The following PCDH18 variants were observed in gnomAD, a reference collection of about 807,000 sequenced individuals.
PCDH18 encodes the protein protocadherin 18.
PCDH18 carries 38 observed loss-of-function variants against 71.5 expected under a neutral mutation model. That is an observed-to-expected ratio of 0.53 (90% CI 0.41 to 0.70). PCDH18 has a LOEUF of 0.70. PCDH18 is among the 30% of genes least tolerant of loss of function. The pLI, the probability that PCDH18 is intolerant of heterozygous loss-of-function variation, is 0.00. For missense variants in PCDH18, 1,334 were observed against 1,384.6 expected (o/e 0.96, Z 0.58); for synonymous variants, 565 against 505.4 (o/e 1.12, Z -1.58).
Position 137,531,828 on chromosome 4 carries a change from G to C in PCDH18, c.261C>G (p.Ser87Arg), listed in dbSNP as rs928894069. The change falls in exon 1 of 4, where the codon AGC becomes AGG. Residue 87 changes from serine to arginine, a missense_variant. Ser to Arg is a moderately radical substitution (Grantham distance 110). Around this residue, in one of 3 missense-constraint regions of PCDH18, gnomAD observed 1,011 missense variants for 1,048.0 expected, o/e 0.96. Coordinates refer to ENST00000344876, the MANE Select transcript of PCDH18 (RefSeq NM_019035.5). ...GTTCACGGTCAATTGTAGCCCCTAT[G>C]CTGATTTCCCCATTATCCTCGTTTA... is the stretch of plus-strand genomic sequence containing the variant. ...LVVNEDNGEI[S>R]IGATIDREQL... 1 of 1,613,990 alleles carries C rather than the reference G, an allele frequency of 6.2e-7. No individual in the cohort carries two copies. Among genetic ancestry groups the C allele is most frequent in the African/African-American group, 1.3e-5 (1 of 74,898 alleles).
At chr4:137,524,917 G>A (rs1287728798) in intron 3 of PCDH18, among the ~76,000 whole-genome samples, 1 of 152,110 alleles carries the variant, frequency 6.6e-6, no homozygotes, top group Non-Finnish European at 1.5e-5. Context: ...CACTAAACCT[G>A]TCATGGAAGA....
chr4:137,530,519 T>C lies in PCDH18; in HGVS notation c.1570A>G (p.Asn524Asp). 1 of 1,613,920 alleles carries C rather than the reference T, an allele frequency of 6.2e-7. No individual in the cohort carries two copies. The highest frequency in any genetic ancestry group is 8.5e-7 in the Non-Finnish European group (1 of 1,179,876). The change falls in exon 1 of 4, where the codon AAT becomes GAT. Residue 524 changes from asparagine to aspartate, a missense_variant. Physicochemically the swap from Asn to Asp is conservative, Grantham distance 23. Around this residue, in one of 3 missense-constraint regions of PCDH18, gnomAD observed 1,011 missense variants for 1,048.0 expected, o/e 0.96. Coordinates refer to ENST00000344876, the MANE Select transcript of PCDH18 (RefSeq NM_019035.5). ...ITTYVTIDPS[N>D]GAIYALRIFD... ...ATTCTGAGGGCATAGATGGCTCCAT[T>C]AGATGGGTCAATGGTTACATATGTA...
chr4:137,528,413 A>T lies in PCDH18; in HGVS notation c.2740+65T>A, dbSNP rs1430997292. On this transcript the variant is annotated intron_variant, in intron 3 of 3. Transcript: ENST00000344876. ...AAGAAGAAATATAAGCATGAGAGAA[A>T]TTTTTCATTTTACTGGTGTCACGGT... 1.2e-5 allele frequency: 16 copies of T among 1,325,170 alleles called. No homozygotes were observed. The East Asian group carries it at 3.0e-4, about 25-fold the overall frequency. 82.1% of individuals were successfully genotyped at this position (1,325,170 alleles called of 1,614,324 possible). A position where few individuals can be genotyped will look rare whatever the true frequency, so the allele number is the denominator to read the frequency against.
rs2149214935 is a variant in PCDH18 at position 137,528,570 on chromosome 4, C to G, written c.2648G>C (p.Ser883Thr). Residue 883 changes from serine to threonine, a missense_variant, in exon 3 of 4, where the codon AGT becomes ACT. By Grantham distance (58) the Ser-to-Thr change is moderately conservative. Coordinates refer to ENST00000344876, the MANE Select transcript of PCDH18 (RefSeq NM_019035.5). ...SGRGDSEAGDSDYDLGRDSPI... is the reference protein window; with the variant it reads ...SGRGDSEAGDTDYDLGRDSPI... ...AGAATCTCGCCCCAAATCATAATCA[C>G]TGTCTCCTGCCTCACTGTCACCACG... The G allele has an allele frequency of 6.2e-7, 1 of 1,614,008 alleles. No homozygotes were observed. Among genetic ancestry groups the G allele is most frequent in the South Asian group, 1.1e-5 (1 of 91,082 alleles).
At chr4:137,526,958 T>TA (rs750084137) in intron 3 of PCDH18, among the ~76,000 whole-genome samples, 3,461 of 127,690 alleles carry the variant, frequency 0.027, 76 homozygotes, top group African/African-American at 0.061. Context: ...TTCCAAATCT[T>TA]AAAAAAAAAA....
intron 2 of PCDH18, 25 bp from the exon 3 acceptor site, chr4:137,528,666 A>C (rs1254090835): frequency 6.2e-7 from 1 of 1,612,864 alleles, no homozygotes; most frequent in Admixed American, 1.7e-5. Flanking sequence ...CACAAAAAAA[A>C]ATTACAGTTT....
In PCDH18 at chr4:137,529,980, A is replaced by C; in HGVS notation, c.2109T>G (p.Ile703Met). 6.2e-7 allele frequency: 1 copy of C among 1,613,852 alleles called. No individual in the cohort carries two copies. The highest frequency in any genetic ancestry group is 8.5e-7 in the Non-Finnish European group (1 of 1,179,810). Residue 703 changes from isoleucine to methionine, a missense_variant, in exon 1 of 4, where the codon ATT becomes ATG. Ile to Met is a conservative substitution (Grantham distance 10, BLOSUM62 1). Transcript: ENST00000344876. ...QASLDVSMIIIISLGAICAVL... is the reference protein window; with the variant it reads ...QASLDVSMIIMISLGAICAVL... Reference sequence around the variant, plus strand: ...CTGCACAAATTGCTCCTAAGGAAATAATTATTATCATGGAGACATCCAAGG... The same window carrying C: ...CTGCACAAATTGCTCCTAAGGAAATCATTATTATCATGGAGACATCCAAGG...
rs890515232 is a variant in PCDH18 at position 137,520,003 on chromosome 4, A to G, written c.*1026T>C. The G allele has an allele frequency of 6.6e-6, 1 of 152,638 alleles. No individual in the cohort carries two copies. The highest frequency in any genetic ancestry group is 2.4e-5 in the African/African-American group (1 of 41,466). The allele number at this position is 152,638 out of a possible 1,614,324, so 9.5% of individuals were successfully genotyped here. ...GATCATGCACTGGAGACAAAAGCTAAAAATGAATAGTTATAACAAAGAAAG... is the reference window on the plus strand; with the variant it reads ...GATCATGCACTGGAGACAAAAGCTAGAAATGAATAGTTATAACAAAGAAAG... On this transcript the variant is annotated 3_prime_UTR_variant, in exon 4 of 4. Transcript: ENST00000344876.
Position 137,526,854 on chromosome 4 carries a change from G to C in PCDH18, c.2740+1624C>G, listed in dbSNP as rs1340046138. 6.0e-5 allele frequency among the ~76,000 whole-genome samples: 9 copies of C among 150,724 alleles called. 1 individual carries two copies. In the South Asian group the frequency reaches 1.9e-3, roughly 32 times the overall value. Reference sequence around the variant, plus strand: ...GTTACTTCACATACTTGATAGATTAGTGTTTAAGAGTGCAGGGATTGGTCC... The same window carrying C: ...GTTACTTCACATACTTGATAGATTACTGTTTAAGAGTGCAGGGATTGGTCC... On this transcript the variant is annotated intron_variant, in intron 3 of 3. Coordinates refer to ENST00000344876, the MANE Select transcript of PCDH18 (RefSeq NM_019035.5).
rs1731250147 is a variant in PCDH18, at chr4:137,520,267, A to G, written c.*762T>C. ...AAGGATGGAATAAAATTTATTGTTT[A>G]CCATAATTATAAGTAGATAATAATA... On this transcript the variant is annotated 3_prime_UTR_variant, in exon 4 of 4. Transcript: ENST00000344876. The G allele has an allele frequency of 6.6e-6, 1 of 152,454 alleles. No homozygotes were observed. The highest frequency in any genetic ancestry group is 1.5e-5 in the Non-Finnish European group (1 of 68,034). 9.4% of individuals were successfully genotyped at this position (152,454 alleles called of 1,614,324 possible).
Position 137,521,542 on chromosome 4 carries a change from C to G in PCDH18, c.2895G>C (p.Gln965His), listed in dbSNP as rs1204120884. Residue 965 changes from glutamine (Q) to histidine (H), a missense_variant, in exon 4 of 4, where the codon CAG (glutamine) becomes CAC (histidine). By Grantham distance (24) the Gln-to-His change is conservative (BLOSUM62 0). This residue lies in a region of PCDH18 where 319 missense variants were observed against 316.3 expected (regional missense o/e 1.01). Coordinates refer to ENST00000344876, the MANE Select transcript of PCDH18 (RefSeq NM_019035.5). ...CAGGCTGAGCGTCATCCTCAAGACTCTGATGTGGATGCTGCTGCTGGGGTT... is the reference window on the plus strand; with the variant it reads ...CAGGCTGAGCGTCATCCTCAAGACTGTGATGTGGATGCTGCTGCTGGGGTT... ...PTQPQQQHPH[Q>H]SLEDDAQPAD... The G allele has an allele frequency of 1.2e-6, 2 of 1,614,122 alleles. No homozygotes were observed. Among genetic ancestry groups the G allele is most frequent in the Non-Finnish European group, 1.7e-6 (2 of 1,180,030 alleles).
At position 137,530,063 on chromosome 4, in the gene PCDH18, T is replaced by A; in HGVS notation, c.2026A>T (p.Ile676Phe). 1 of 1,613,832 alleles carries A rather than the reference T, an allele frequency of 6.2e-7. No homozygotes were observed. Among genetic ancestry groups the A allele is most frequent in the Non-Finnish European group, 8.5e-7 (1 of 1,179,728 alleles). Residue 676 changes from isoleucine (I) to phenylalanine (F), a missense_variant, in exon 1 of 4, where the codon ATC becomes TTC. Physicochemically the swap from Ile to Phe is conservative, Grantham distance 21. Coordinates refer to ENST00000344876, the MANE Select transcript of PCDH18 (RefSeq NM_019035.5). ...LHTKVLLKCM[I>F]FEYAESVTST... ...GTCACCGACTCTGCATATTCAAAGATCATGCACTTCAGAAGGACTTTGGTA... is the reference window on the plus strand; with the variant it reads ...GTCACCGACTCTGCATATTCAAAGAACATGCACTTCAGAAGGACTTTGGTA...
chr4:137,532,037 T>G lies in PCDH18; in HGVS notation c.52A>C (p.Ile18Leu). ...MHFRFVFALL[I>L]VSFNHDVLGK... ...AGTACATCGTGGTTGAAAGATACTATCAGAAGTGCAAAAACAAACCTAAAG... is the reference window on the plus strand; with the variant it reads ...AGTACATCGTGGTTGAAAGATACTAGCAGAAGTGCAAAAACAAACCTAAAG... Residue 18 changes from isoleucine (I) to leucine (L), a missense_variant, in exon 1 of 4, where the codon ATA becomes CTA. This residue lies in a region of PCDH18 where 1,011 missense variants were observed against 1,048.0 expected (regional missense o/e 0.96). Coordinates refer to ENST00000344876, the MANE Select transcript of PCDH18 (RefSeq NM_019035.5). 6.2e-7 allele frequency: 1 copy of G among 1,613,120 alleles called. No homozygotes were observed. The highest frequency in any genetic ancestry group is 8.5e-7 in the Non-Finnish European group (1 of 1,179,590).
Position 137,527,401 on chromosome 4 carries a change from G to T in PCDH18, c.2740+1077C>A, listed in dbSNP as rs1445801573. ...TTTTTTATTTGTATTGTTTTTTATT[G>T]TTGTATTGCTATTTTTTATTGTTTA... On this transcript the variant is annotated intron_variant, in intron 3 of 3. Transcript: ENST00000344876. Among the ~76,000 whole-genome samples the T allele has an allele frequency of 4.6e-5, 7 of 152,058 alleles. No individual in the cohort carries two copies. In the East Asian group the frequency reaches 1.3e-3, roughly 29 times the overall value.
intron 3 of PCDH18, among the ~76,000 whole-genome samples, chr4:137,527,925 G>C (rs1731527548): frequency 6.6e-6 from 1 of 152,102 alleles, no homozygotes; most frequent in Non-Finnish European, 1.5e-5. Flanking sequence ...AAAATGAAAT[G>C]TTGGCAAAAA....
In PCDH18 at chr4:137,528,906, A is replaced by C. The variant is rs546151364; in HGVS notation, c.2488-86T>G. Reference sequence around the variant, plus strand: ...TAAGCAAGAAAAACAGTTGCTTGCTATTTCAACTAAGTAATTGAATATATT... The same window carrying C: ...TAAGCAAGAAAAACAGTTGCTTGCTCTTTCAACTAAGTAATTGAATATATT... On this transcript the variant is annotated intron_variant, in intron 1 of 3. Transcript: ENST00000344876. 73 of 920,384 alleles carry C rather than the reference A, an allele frequency of 7.9e-5. 1 individual carries two copies. The highest frequency in any genetic ancestry group is 6.5e-4 in the Middle Eastern group (3 of 4,648). The allele number at this position is 920,384 out of a possible 1,614,324, so 57.0% of individuals were successfully genotyped here.
rs62330470 is a variant in PCDH18, at chr4:137,531,234, G to A, written c.855C>T (p.Phe285=). 2 of 1,613,390 alleles carry A rather than the reference G, an allele frequency of 1.2e-6. No individual in the cohort carries two copies. The highest frequency in any genetic ancestry group is 8.5e-7 in the Non-Finnish European group (1 of 1,179,622). Residue 285 remains phenylalanine (F), a synonymous_variant, in exon 1 of 4, where the codon TTC becomes TTT. Transcript: ENST00000344876. ...EGANGKIVYS[F]SSHVSPKIME... Reference sequence around the variant, plus strand: ...TAATTTTGGGAGACACATGACTGCTGAAGGAATATACAATTTTCCCATTAG... The same window carrying A: ...TAATTTTGGGAGACACATGACTGCTAAAGGAATATACAATTTTCCCATTAG...
chr4:137,527,019 C>T (rs1489628890), intron 3 of PCDH18, among the ~76,000 whole-genome samples: 1 of 151,198 alleles, frequency 6.6e-6, no homozygotes. Context: ...CTAATTCCTG[C>T]CAAAGCCTTA....
chr4:137,521,250 G>C lies in PCDH18; in HGVS notation c.3187C>G (p.Gln1063Glu). ...GGCCCACAGTTGGTGGTGGGATTTT[G>C]AAAATGCGTACTGGCTGCCCATGCC... The part of the protein sequence containing the change: ...VAAWAASTHF[Q>E]NPTTNCGPPL... Residue 1063 changes from glutamine to glutamate, a missense_variant, in exon 4 of 4, where the codon CAA (glutamine) becomes GAA (glutamate). Coordinates refer to ENST00000344876, the MANE Select transcript of PCDH18 (RefSeq NM_019035.5). 6.2e-7 allele frequency: 1 copy of C among 1,614,046 alleles called. No homozygotes were observed. Among genetic ancestry groups the C allele is most frequent in the Non-Finnish European group, 8.5e-7 (1 of 1,179,928 alleles).
Sources: allele counts gnomAD v4.1 joint callset (sites outside exome capture counted in the v4.1 genomes callset), GRCh38; gene constraint gnomAD v4.1.1; regional missense constraint gnomAD v4.1.1; transcripts MANE v1.5; gene names NCBI Gene and HGNC (gene_info 2026-07-23, HGNC 2026-07-21).